Variants in KCTD1 observed in about 807,000 individuals in gnomAD.
KCTD1 encodes the protein BTB/POZ domain-containing protein KCTD1.
A neutral mutation model predicts 66.0 loss-of-function variants in KCTD1; 24 were observed. The observed-to-expected ratio is 0.36, with a 90% CI of 0.26 to 0.51. The LOEUF is 0.51. Ranked by LOEUF, KCTD1 falls within the 20% of genes least tolerant of loss-of-function variation. The pLI is 0.95. For synonymous variants in KCTD1, 511 were observed against 517.2 expected (o/e 0.99, Z 0.16); for missense variants, 943 against 1,205.2 (o/e 0.78, Z 3.22).
At chr18:26,484,276 C>T (rs1241595750) in intron 2 of KCTD1, among the ~76,000 whole-genome samples, 1 of 152,086 alleles carries the variant, frequency 6.6e-6, no homozygotes, top group African/African-American at 2.4e-5. Flanking sequence ...GGGAAAATAC[C>T]TTCTAAGTAA....
Position 26,546,881 on chromosome 18 carries a change from G to A in KCTD1, c.1656C>T (p.Pro552=), listed in dbSNP as rs371875072. Residue 552 remains proline (P), a synonymous_variant, in exon 1 of 5, where the codon CCC becomes CCT. Transcript: ENST00000580059. ...GSGEICGPTS[P]KRLCIRPSEP... ...CCGAGGGGCGGATACAAAGTCTTTT[G>A]GGGGAAGTGGGGCCGCAGATTTCCC... 3.4e-4 allele frequency: 513 copies of A among 1,489,732 alleles called. 1 individual carries two copies. The African/African-American group carries it at 6.5e-3, about 19-fold the overall frequency. 92.3% of individuals were successfully genotyped at this position (1,489,732 alleles called of 1,614,324 possible).
intron 1 of KCTD1, among the ~76,000 whole-genome samples, chr18:26,502,610 C>G (rs1425035851): frequency 6.6e-6 from 1 of 152,160 alleles, no homozygotes; most frequent in Admixed American, 6.5e-5. Flanking sequence ...AAACCACAGA[C>G]AAGTAAAGAT....
chr18:26,582,396 G>A (rs1986375824), intron 1 of KCTD1, among the ~76,000 whole-genome samples: 1 of 152,090 alleles, frequency 6.6e-6, no homozygotes, highest in African/African-American at 2.4e-5. Context: ...TAAACTAAAT[G>A]AGTTATTGTT....
At chr18:26,532,829 C>T (rs759652094) in intron 1 of KCTD1, among the ~76,000 whole-genome samples, 11 of 152,184 alleles carry the variant, frequency 7.2e-5, no homozygotes, top group Admixed American at 1.3e-4. Context: ...TCAGTTACTT[C>T]CATCTATATT....
intron 1 of KCTD1, among the ~76,000 whole-genome samples, chr18:26,645,564 G>GTTA (rs1987913538): frequency 6.6e-6 from 1 of 151,998 alleles, no homozygotes; most frequent in African/African-American, 2.4e-5. Flanking sequence ...CCCATGCCTG[G>GTTA]TTATTATTAT....
chr18:26,607,454 C>A (rs796297107), intron 1 of KCTD1, among the ~76,000 whole-genome samples: 1 of 152,192 alleles, frequency 6.6e-6, no homozygotes, highest in East Asian at 1.9e-4. Flanking sequence ...CTATGATGTG[C>A]ACCAAAAATA....
At chr18:26,621,889 G>T (rs1987394518) in intron 1 of KCTD1, among the ~76,000 whole-genome samples, 2 of 152,102 alleles carry the variant, frequency 1.3e-5, no homozygotes, top group African/African-American at 2.4e-5. Context: ...AGTTAAATTG[G>T]TTCCAGAAAA....
At position 26,476,385 on chromosome 18, in the gene KCTD1, C is replaced by T; in HGVS notation, c.2133+130G>A. ...TAACCACTATTTCATGAATAGTGAA[C>T]CATGTCAAAGAGAACTCTGGCACCT... On this transcript the variant is annotated intron_variant, in intron 3 of 4. Transcript: ENST00000580059. This position sits in a 1 kb window ranked among gnomAD's most constrained non-coding sequence, Gnocchi z 4.9. 1.3e-6 allele frequency: 1 copy of T among 777,624 alleles called. No homozygotes were observed. Among genetic ancestry groups the T allele is most frequent in the Non-Finnish European group, 2.0e-6 (1 of 508,570 alleles). 48.2% of individuals were successfully genotyped at this position (777,624 alleles called of 1,614,324 possible). A position where few individuals can be genotyped will look rare whatever the true frequency, so the allele number is the denominator to read the frequency against.
chr18:26,606,165 T>C (rs985950980), intron 1 of KCTD1, among the ~76,000 whole-genome samples: 4 of 152,180 alleles, frequency 2.6e-5, no homozygotes, highest in Non-Finnish European at 5.9e-5. Context: ...GAGACCAAGG[T>C]TTTATCATGT....
intron 1 of KCTD1, among the ~76,000 whole-genome samples, chr18:26,561,898 GC>G (rs1985860618): frequency 6.6e-6 from 1 of 152,152 alleles, no homozygotes; most frequent in South Asian, 2.1e-4. Flanking sequence ...AGGGCCTGGG[GC>G]TGCTCTGTAT....
chr18:26,468,051 T>G lies in KCTD1; in HGVS notation c.2134-8126A>C, dbSNP rs12958558. The stretch of plus-strand genomic sequence containing the variant: ...AGAGAAAGAGAGAATTGTGTGGTTC[T>G]CCATAAAAAATGGGGCCGAAGCTCT... On this transcript the variant is annotated intron_variant, in intron 3 of 4. Transcript: ENST00000580059. The surrounding 1 kb of genome is among the most constrained non-coding windows in gnomAD (Gnocchi z 4.8). Among the ~76,000 whole-genome samples the G allele has an allele frequency of 0.041, 6,190 of 152,262 alleles. 179 individuals are homozygous for G. The highest frequency in any genetic ancestry group is 0.057 in the Non-Finnish European group (3,884 of 68,006).
chr18:26,519,627 T>A (rs1297640371), intron 1 of KCTD1, among the ~76,000 whole-genome samples: 2 of 152,236 alleles, frequency 1.3e-5, no homozygotes, highest in African/African-American at 4.8e-5. Context: ...ACTGGAATTA[T>A]TTCATCTGCC....
At chr18:26,496,740 G>GCACGCACACACACACA (rs1555635322) in intron 2 of KCTD1, among the ~76,000 whole-genome samples, 2 of 148,094 alleles carry the variant, frequency 1.4e-5, no homozygotes, top group African/African-American at 5.0e-5. Context: ...AAAAGCATGT[G>GCACGCACACACACACA]CACACACACA....
At chr18:26,538,711 CTCATT>C (rs1984827691) in intron 1 of KCTD1, among the ~76,000 whole-genome samples, 1 of 152,200 alleles carries the variant, frequency 6.6e-6, no homozygotes, top group Non-Finnish European at 1.5e-5. Context: ...CAAGCAGTAT[CTCATT>C]TAACACCCAT....
chr18:26,552,470 C>T (rs1304487425), upstream of KCTD1, among the ~76,000 whole-genome samples: 3 of 152,182 alleles, frequency 2.0e-5, no homozygotes, highest in African/African-American at 7.2e-5. Context: ...TTAAATCTTA[C>T]ATTTAGCAGG....
At chr18:26,498,374 G>A (rs1256590198) in intron 2 of KCTD1, among the ~76,000 whole-genome samples, 4 of 151,322 alleles carry the variant, frequency 2.6e-5, no homozygotes, top group Non-Finnish European at 5.9e-5. Context: ...TAGGGGAGGG[G>A]TAGGTTTAGT....
rs546033875 is a variant in KCTD1 at position 26,586,474 on chromosome 18, A to G, written c.-16+42673T>C. Among the ~76,000 whole-genome samples, 39 of 152,320 alleles carry G rather than the reference A, an allele frequency of 2.6e-4. 1 individual carries two copies. The highest frequency in any genetic ancestry group is 9.4e-4 in the African/African-American group (39 of 41,568). Reference sequence around the variant, plus strand: ...ACACAACAATATTGAAATTAGGCCAACTAATAACCCTACAATGGTCTCTAA... The same window carrying G: ...ACACAACAATATTGAAATTAGGCCAGCTAATAACCCTACAATGGTCTCTAA... On this transcript the variant is annotated intron_variant, in intron 1 of 4. Transcript: ENST00000317932.
At chr18:26,591,878 G>C (rs1348642519) in intron 1 of KCTD1, among the ~76,000 whole-genome samples, 2 of 152,186 alleles carry the variant, frequency 1.3e-5, no homozygotes, top group Non-Finnish European at 2.9e-5. Context: ...AGACATGGAA[G>C]CATTTTTAAA....
chr18:26,592,206 T>A (rs1986624868), intron 1 of KCTD1, among the ~76,000 whole-genome samples: 1 of 152,174 alleles, frequency 6.6e-6, no homozygotes, highest in African/African-American at 2.4e-5. Context: ...AAACCATACT[T>A]GAAAAAAATC....
Sources: gnomAD v4.1 joint callset for allele counts (sites outside exome capture counted in the v4.1 genomes callset) on GRCh38, gnomAD v4.1.1 for gene constraint, Gnocchi (gnomAD v3.1) non-coding constraint, MANE v1.5 for transcripts, NCBI Gene and HGNC (gene_info 2026-07-23, HGNC 2026-07-21) for gene names.